Variants in TMEM182 observed in about 807,000 individuals in gnomAD.
The protein encoded by TMEM182 is transmembrane protein 182.
A neutral mutation model predicts 26.8 loss-of-function variants in TMEM182; 20 were observed. The ratio of observed to expected loss-of-function variants is 0.75; its 90% CI spans 0.53 to 1.09. The LOEUF (loss-of-function observed/expected upper bound fraction) is 1.09. TMEM182 is among the 50% of genes least tolerant of loss of function. The pLI is 0.00. For synonymous variants in TMEM182, 109 were observed against 102.2 expected, an observed-to-expected ratio of 1.07 and a Z score of -0.40; for missense variants, 277 against 275.5, an observed-to-expected ratio of 1.01 and a Z score of -0.04.
intron 3 of TMEM182, among the ~76,000 whole-genome samples, chr2:102,771,951 C>T (rs1272771158): frequency 6.6e-6 from 1 of 152,200 alleles, no homozygotes; most frequent in Non-Finnish European, 1.5e-5. Context: ...CAAAATCACC[C>T]TCTAATGAAA....
At chr2:102,806,222 T>C in intron 4 of TMEM182, among the ~76,000 whole-genome samples, 1 of 152,184 alleles carries the variant, frequency 6.6e-6, no homozygotes, top group South Asian at 2.1e-4. Flanking sequence ...CATTTTCGTG[T>C]ATGGAAAGAG....
intron 3 of TMEM182, among the ~76,000 whole-genome samples, chr2:102,828,945 C>A (rs1683096862): frequency 1.3e-5 from 2 of 152,092 alleles, no homozygotes. Context: ...TGAAGAACAC[C>A]CTGTGAATAT....
At chr2:102,758,594 A>C (rs976662300), upstream of TMEM182, 1 of 677,398 alleles carries the variant, frequency 1.5e-6, no homozygotes, top group African/African-American at 1.8e-5. Context: ...AGAGCTTAAC[A>C]AGTACCAAGC....
chr2:102,776,902 A>G (rs1573520770), intron 3 of TMEM182, among the ~76,000 whole-genome samples: 1 of 152,274 alleles, frequency 6.6e-6, no homozygotes, highest in African/African-American at 2.4e-5. Flanking sequence ...ATGACATATG[A>G]TGTTGAACAT....
chr2:102,736,969 G>T, exon 1 of TMEM182: 1 of 828,422 alleles, frequency 1.2e-6, no homozygotes, highest in Non-Finnish European at 1.8e-6. Flanking sequence ...CTGGCTGGGA[G>T]TTCTGGTCTC....
rs190351589 is a variant in TMEM182, at chr2:102,774,454, G to T, written c.331+10027G>T. ...TTTTTTTTGTATTTTCAGTAGAGATGGGGTTTCACCGTGTGTTAGCCAGGA... is the reference window on the plus strand; with the variant it reads ...TTTTTTTTGTATTTTCAGTAGAGATTGGGTTTCACCGTGTGTTAGCCAGGA... On this transcript the variant is annotated intron_variant, in intron 3 of 4. Coordinates refer to ENST00000412401, the MANE Select transcript of TMEM182 (RefSeq NM_144632.5). Among the ~76,000 whole-genome samples, 109 of 150,448 alleles carry T rather than the reference G, an allele frequency of 7.2e-4. 1 individual carries two copies. In the East Asian group the frequency reaches 0.021, roughly 29 times the overall value.
chr2:102,808,417 G>A (rs1374774139), intron 4 of TMEM182, among the ~76,000 whole-genome samples: 1 of 152,134 alleles, frequency 6.6e-6, no homozygotes, highest in Non-Finnish European at 1.5e-5. Context: ...GTTGGATTTA[G>A]CAGGGCTGCT....
intron 3 of TMEM182, among the ~76,000 whole-genome samples, chr2:102,826,846 A>G (rs1012525263): frequency 6.6e-6 from 1 of 152,188 alleles, no homozygotes; most frequent in Non-Finnish European, 1.5e-5. Context: ...AAAACAGACC[A>G]CCAAAGAAGA....
chr2:102,816,823 T>C lies in TMEM182; in HGVS notation c.*1855T>C. ...AATACAATTCTTTTTTGTAGTACTT[T>C]GGAATGGAGCCTTTTTCTGGTGTAC... On this transcript the variant is annotated 3_prime_UTR_variant, in exon 5 of 5. Coordinates refer to ENST00000412401, the MANE Select transcript of TMEM182 (RefSeq NM_144632.5). The C allele has an allele frequency of 1.3e-5, 13 of 985,868 alleles. No individual in the cohort carries two copies. Among genetic ancestry groups the C allele is most frequent in the Non-Finnish European group, 1.6e-5 (13 of 829,922 alleles). The allele number at this position is 985,868 out of a possible 1,614,324, so 61.1% of individuals were successfully genotyped here.
chr2:102,746,330 T>C (rs1219784703), intron 1 of TMEM182, among the ~76,000 whole-genome samples: 2 of 152,238 alleles, frequency 1.3e-5, no homozygotes, highest in Non-Finnish European at 2.9e-5. Context: ...ATGGTCTAAA[T>C]ACAATTCCCT....
downstream of TMEM182, among the ~76,000 whole-genome samples, chr2:102,818,245 A>T (rs1042976830): frequency 6.6e-6 from 1 of 152,224 alleles, no homozygotes. Flanking sequence ...AGTTAAATAT[A>T]TGGAGACATT....
intron 3 of TMEM182, among the ~76,000 whole-genome samples, chr2:102,774,530 G>A (rs1680828716): frequency 6.6e-6 from 1 of 151,812 alleles, no homozygotes; most frequent in African/African-American, 2.4e-5. Context: ...CTCCCAAAGT[G>A]CTGGGATTAC....
exon 4 of TMEM182, chr2:102,843,475 A>T (rs1683393883): frequency 6.6e-6 from 1 of 152,220 alleles, no homozygotes; most frequent in African/African-American, 2.4e-5. Flanking sequence ...CCTCTGCGTG[A>T]AACGTCTTCA....
intron 1 of TMEM182, among the ~76,000 whole-genome samples, chr2:102,749,436 G>A (rs1379702472): frequency 6.6e-6 from 1 of 152,164 alleles, no homozygotes; most frequent in Non-Finnish European, 1.5e-5. Flanking sequence ...AGGGTGAATT[G>A]GGAATGAGGA....
At chr2:102,765,059 T>A (rs949070870) in intron 3 of TMEM182, among the ~76,000 whole-genome samples, 4 of 152,234 alleles carry the variant, frequency 2.6e-5, no homozygotes, top group African/African-American at 9.6e-5. Flanking sequence ...AAATAGTAGC[T>A]ATTATATTTA....
At chr2:102,779,237 C>A (rs1201426130) in intron 3 of TMEM182, among the ~76,000 whole-genome samples, 1 of 152,016 alleles carries the variant, frequency 6.6e-6, no homozygotes, top group East Asian at 1.9e-4. Flanking sequence ...TTCCTCCATC[C>A]CTGCTTTCAG....
At chr2:102,757,228 T>A (rs1276267030), upstream of TMEM182, among the ~76,000 whole-genome samples, 1 of 152,190 alleles carries the variant, frequency 6.6e-6, no homozygotes, top group African/African-American at 2.4e-5. Flanking sequence ...CCACAGTCCC[T>A]ACTCAGCCCC....
intron 4 of TMEM182, among the ~76,000 whole-genome samples, chr2:102,803,431 T>G (rs906723235): frequency 6.6e-6 from 1 of 152,134 alleles, no homozygotes; most frequent in African/African-American, 2.4e-5. Flanking sequence ...TTAGTAGATA[T>G]AAAGGGAATA....
chr2:102,770,811 CACA>C (rs1680641618), intron 3 of TMEM182, among the ~76,000 whole-genome samples: 1 of 152,206 alleles, frequency 6.6e-6, no homozygotes, highest in Admixed American at 6.5e-5. Context: ...CACATCCACA[CACA>C]ACAACTTGCT....
Sources: allele counts gnomAD v4.1 joint callset (sites outside exome capture counted in the v4.1 genomes callset), GRCh38; gene constraint gnomAD v4.1.1; transcripts MANE v1.5; gene names NCBI Gene and HGNC (gene_info 2026-07-23, HGNC 2026-07-21).